The following SHPRH variants were observed in gnomAD, a reference collection of about 807,000 sequenced individuals.
SHPRH encodes the protein E3 ubiquitin-protein ligase SHPRH.
SHPRH carries 106 observed loss-of-function variants against 202.5 expected under a neutral mutation model. The observed-to-expected ratio is 0.52, with a 90% CI of 0.45 to 0.62. SHPRH has a LOEUF of 0.62. Among genes scored for constraint, SHPRH ranks in the 20% least tolerant of loss-of-function variants. SHPRH has a pLI of 0.00. For synonymous variants in SHPRH, 729 were observed against 686.0 expected, an observed-to-expected ratio of 1.06 and a Z score of -0.98; for missense variants, 1,710 against 2,020.0, an observed-to-expected ratio of 0.85 and a Z score of 2.94.
rs1784533072 is a variant in SHPRH at position 145,922,775 on chromosome 6, A to C, written c.3607T>G (p.Cys1203Gly). 1 of 1,611,986 alleles carries C rather than the reference A, an allele frequency of 6.2e-7. No individual in the cohort carries two copies. Among genetic ancestry groups the C allele is most frequent in the Non-Finnish European group, 8.5e-7 (1 of 1,178,816 alleles). Residue 1203 changes from cysteine to glycine, a missense_variant, in exon 19 of 30, where the codon TGC (cysteine) becomes GGC (glycine). Physicochemically the swap from Cys to Gly is radical, Grantham distance 159. This residue lies in a region of SHPRH where 288 missense variants were observed against 317.8 expected (regional missense o/e 0.91). Coordinates refer to ENST00000275233, the MANE Select transcript of SHPRH (RefSeq NM_001042683.3). ...ACAGCCTCTCTTACTAGCTTCTGGC[A>C]TTTATTTAGCTCTTCCATTTGTGTT... is the stretch of plus-strand genomic sequence containing the variant. ...LTTQMEELNK[C>G]QKLVREAVKN... is the part of the protein sequence containing the mutation.
intron 1 of SHPRH, 134 bp from the exon 2 acceptor site, chr6:145,955,488 G>T: frequency 1.2e-6 from 1 of 801,094 alleles, no homozygotes; most frequent in Non-Finnish European, 1.9e-6. Context: ...ATAAGGCAAT[G>T]AGTAATTTTT....
In SHPRH at chr6:145,924,786, G is replaced by A; in HGVS notation, c.3355C>T (p.Gln1119Ter). 1 of 1,611,842 alleles carries A rather than the reference G, an allele frequency of 6.2e-7. No individual in the cohort carries two copies. The highest frequency in any genetic ancestry group is 8.5e-7 in the Non-Finnish European group (1 of 1,178,490). ...KCNTEVAEAQQALYPVQQTIH... is the reference protein window; with the variant it reads ...KCNTEVAEAQ ...GTCTGCTGCACAGGATATAAAGCTT[G>A]CTGGGCTTCAGCAACTTCTGTATTA... The change falls in exon 17 of 30, where the codon CAA becomes TAA. Residue 1119 changes from glutamine (Q) to a stop codon, truncating the protein, a stop_gained. Coordinates refer to ENST00000275233, the MANE Select transcript of SHPRH (RefSeq NM_001042683.3). LOFTEE classifies it high-confidence loss of function.
chr6:145,877,479 A>G (rs956845569), intron 2 of SHPRH, among the ~76,000 whole-genome samples: 3 of 152,162 alleles, frequency 2.0e-5, no homozygotes, highest in African/African-American at 4.8e-5. Flanking sequence ...TTGCTTTTCA[A>G]TCTGACTCTG....
At chr6:145,957,816 C>A (rs1175334811) in intron 1 of SHPRH, among the ~76,000 whole-genome samples, 1 of 152,080 alleles carries the variant, frequency 6.6e-6, no homozygotes, top group African/African-American at 2.4e-5. Context: ...CCTAGTAATC[C>A]CTCTCTTAGG....
intron 1 of SHPRH, among the ~76,000 whole-genome samples, chr6:145,962,754 ATGT>A (rs1247912605): frequency 6.6e-6 from 1 of 152,270 alleles, no homozygotes; most frequent in East Asian, 1.9e-4. Context: ...CCTGTCCAAA[ATGT>A]TGTGTTATGG....
chr6:145,916,426 C>T (rs1583386355), intron 23 of SHPRH, among the ~76,000 whole-genome samples: 1 of 152,064 alleles, frequency 6.6e-6, no homozygotes, highest in Non-Finnish European at 1.5e-5. Context: ...TTAAGAAAAG[C>T]TTATATAAAT....
chr6:145,917,913 C>A (rs886856303), intron 23 of SHPRH: 4 of 369,580 alleles, frequency 1.1e-5, no homozygotes, highest in Non-Finnish European at 1.9e-5. Context: ...TCTCTACTAT[C>A]GAGTGCATGC....
At chr6:145,895,532 TG>T (rs1230155397) in intron 25 of SHPRH, among the ~76,000 whole-genome samples, 1 of 143,190 alleles carries the variant, frequency 7.0e-6, no homozygotes, top group Non-Finnish European at 1.6e-5. Context: ...CACTTAAAAC[TG>T]TGTGTTTTTT....
Position 145,943,170 on chromosome 6 carries a change from A to G in SHPRH, c.2211T>C (p.His737=), listed in dbSNP as rs1464429869. 5.0e-6 allele frequency: 8 copies of G among 1,606,294 alleles called. No homozygotes were observed. Among genetic ancestry groups the G allele is most frequent in the Non-Finnish European group, 6.8e-6 (8 of 1,175,306 alleles). ...AGACTCGAAGAGATGACGACCTCAC[A>G]TGCCTGTTGATCTCATCCACCCACT... ...CHQWVDEINR[H]VRSSSLRVLV... The change falls in exon 9 of 30, where the codon CAT becomes CAC. Residue 737 remains histidine (H), a synonymous_variant. Transcript: ENST00000275233.
chr6:145,905,447 C>T (rs1782877731), intron 25 of SHPRH: 1 of 152,042 alleles, frequency 6.6e-6, no homozygotes, highest in South Asian at 2.1e-4. Context: ...TATAGTCCTC[C>T]CTCAGTATCT....
rs187217678 is a variant in SHPRH at position 145,888,712 on chromosome 6, G to A, written c.4875-612C>T. The stretch of plus-strand genomic sequence containing the variant: ...TACTTTAGAAATCCCTTTGGCAACC[G>A]TGTGGAGGATGTACTTCTTGCTCAG... On this transcript the variant is annotated intron_variant, in intron 28 of 29. Coordinates refer to ENST00000275233, the MANE Select transcript of SHPRH (RefSeq NM_001042683.3). 3.3e-4 allele frequency among the ~76,000 whole-genome samples: 51 copies of A among 152,262 alleles called. 1 individual carries two copies. Among genetic ancestry groups the A allele is most frequent in the South Asian group, 4.1e-4 (2 of 4,824 alleles).
At chr6:145,951,876 C>T (rs1788014592) in intron 3 of SHPRH, 1 of 455,854 alleles carries the variant, frequency 2.2e-6, no homozygotes, top group African/African-American at 2.0e-5. Flanking sequence ...CCAAGGTGAC[C>T]AATGGCAGAC....
intron 14 of SHPRH, among the ~76,000 whole-genome samples, chr6:145,928,271 T>C (rs1785078693): frequency 6.6e-6 from 1 of 151,992 alleles, no homozygotes. Flanking sequence ...GAGATGAACA[T>C]TTTTAATGGC....
chr6:145,921,445 C>G (rs1262197282), intron 20 of SHPRH, 53 bp from the exon 21 acceptor site: 5 of 1,530,380 alleles, frequency 3.3e-6, no homozygotes, highest in Non-Finnish European at 3.6e-6. Flanking sequence ...GAGTGAAAAG[C>G]AACCTTCAAT....
intron 22 of SHPRH, chr6:145,918,778 T>C (rs1399583017): frequency 6.5e-6 from 1 of 152,686 alleles, no homozygotes; most frequent in Non-Finnish European, 1.5e-5. Context: ...CTCCAAGCTG[T>C]ACAGAAACAG....
At chr6:145,894,451 T>G (rs1218493132) in intron 26 of SHPRH, among the ~76,000 whole-genome samples, 3 of 151,394 alleles carry the variant, frequency 2.0e-5, no homozygotes, top group African/African-American at 7.3e-5. Flanking sequence ...ATGCTGGTTT[T>G]GAAAATGTAA....
intron 9 of SHPRH, 124 bp from the exon 10 acceptor site, chr6:145,941,998 G>C: frequency 1.8e-6 from 2 of 1,138,918 alleles, no homozygotes; most frequent in Non-Finnish European, 2.5e-6. Flanking sequence ...CTATGAGACA[G>C]ATCCCATACC....
At chr6:145,929,711 G>A (rs1785234048) in intron 14 of SHPRH, among the ~76,000 whole-genome samples, 1 of 151,960 alleles carries the variant, frequency 6.6e-6, no homozygotes, top group African/African-American at 2.4e-5. Flanking sequence ...GCTAAATTGA[G>A]GACTTTCTAG....
In SHPRH at chr6:145,941,874, C is replaced by T. The variant is rs1786815959; in HGVS notation, c.2239G>A (p.Val747Ile). Residue 747 changes from valine to isoleucine, a missense_variant and splice_region_variant, in exon 10 of 30, where the codon GTA becomes ATA. Transcript: ENST00000275233. ...CCATCTTTCTTCACTCCTTGATATA[C>T]CTAGGAAATAATCAATACAGGCAGT... is the stretch of plus-strand genomic sequence containing the variant. ...HVRSSSLRVL[V>I]YQGVKKDGFL... 6.2e-7 allele frequency: 1 copy of T among 1,612,818 alleles called. No individual in the cohort carries two copies. Among genetic ancestry groups the T allele is most frequent in the Non-Finnish European group, 8.5e-7 (1 of 1,179,494 alleles).
Sources: gnomAD v4.1 joint callset for allele counts (sites outside exome capture counted in the v4.1 genomes callset) on GRCh38, gnomAD v4.1.1 for gene constraint, gnomAD v4.1.1 regional missense constraint, MANE v1.5 for transcripts, NCBI Gene and HGNC (gene_info 2026-07-23, HGNC 2026-07-21) for gene names.